The following ARHGAP26 variants were observed in gnomAD, a reference collection of about 807,000 sequenced individuals.
The protein encoded by ARHGAP26 is rho GTPase-activating protein 26.
Under a neutral mutation model 104.8 loss-of-function variants are expected in ARHGAP26, and 38 were observed. The ratio of observed to expected loss-of-function variants is 0.36; its 90% CI spans 0.28 to 0.48. ARHGAP26 has a LOEUF of 0.48. ARHGAP26 is among the 20% of genes least tolerant of loss of function. The pLI is 0.99. For missense variants in ARHGAP26, 704 were observed against 947.9 expected (o/e 0.74, Z 3.38); for synonymous variants, 341 against 340.0 (o/e 1.00, Z -0.03).
At position 143,083,780 on chromosome 5, in the gene ARHGAP26, T is replaced by G. The variant is rs371441600; in HGVS notation, c.1538+26033T>G. On this transcript the variant is annotated intron_variant, in intron 17 of 22. Coordinates refer to ENST00000645722, the MANE Select transcript of ARHGAP26 (RefSeq NM_001135608.3). ...TCCCAAAATGCTGGGATTATAGGCATGAGCCACTGCACCCAGCTGCTTTTT... is the reference window on the plus strand; with the variant it reads ...TCCCAAAATGCTGGGATTATAGGCAGGAGCCACTGCACCCAGCTGCTTTTT... 1.8e-4 allele frequency among the ~76,000 whole-genome samples: 27 copies of G among 152,368 alleles called. No individual in the cohort carries two copies. The East Asian group carries it at 4.6e-3, about 26-fold the overall frequency.
chr5:143,116,888 G>C (rs1795528627), intron 17 of ARHGAP26, among the ~76,000 whole-genome samples: 1 of 152,150 alleles, frequency 6.6e-6, no homozygotes, highest in South Asian at 2.1e-4. Flanking sequence ...CTGCCCTGAA[G>C]TCATGCCCCT....
intron 13 of ARHGAP26, chr5:143,041,600 T>G (rs1275934731): frequency 1.9e-6 from 1 of 521,128 alleles, no homozygotes; most frequent in Non-Finnish European, 3.6e-6. Context: ...ACATGAGGGC[T>G]GAAGTGTGCA....
intron 6 of ARHGAP26, among the ~76,000 whole-genome samples, chr5:142,898,598 C>T (rs1218879020): frequency 6.6e-6 from 1 of 152,158 alleles, no homozygotes; most frequent in African/African-American, 2.4e-5. Context: ...CAGAATGCAC[C>T]TTCTAACACG....
At chr5:142,953,667 G>A (rs1035320672) in intron 11 of ARHGAP26, among the ~76,000 whole-genome samples, 3 of 152,192 alleles carry the variant, frequency 2.0e-5, no homozygotes, top group Non-Finnish European at 4.4e-5. Flanking sequence ...GTCCTGTATG[G>A]ACAAGACTGT....
intron 19 of ARHGAP26, among the ~76,000 whole-genome samples, chr5:143,145,027 A>G (rs1798999027): frequency 6.6e-6 from 1 of 152,220 alleles, no homozygotes; most frequent in South Asian, 2.1e-4. Context: ...GGATACCAAT[A>G]AAGAGTCAGC....
chr5:142,950,256 C>T (rs2152598697), intron 11 of ARHGAP26, among the ~76,000 whole-genome samples: 2 of 152,178 alleles, frequency 1.3e-5, no homozygotes, highest in East Asian at 3.9e-4. Flanking sequence ...AGAGGGAACC[C>T]ACATGCATTT....
chr5:142,865,688 C>T (rs927062008), intron 1 of ARHGAP26, among the ~76,000 whole-genome samples: 1 of 152,112 alleles, frequency 6.6e-6, no homozygotes, highest in Non-Finnish European at 1.5e-5. Context: ...AGTTCTGGGC[C>T]AGCTCCTTAG....
chr5:142,947,879 G>A (rs987311275), intron 11 of ARHGAP26, among the ~76,000 whole-genome samples: 2 of 152,100 alleles, frequency 1.3e-5, no homozygotes, highest in Non-Finnish European at 2.9e-5. Context: ...ATTAAACTAG[G>A]TGCAGTGGTG....
At chr5:142,971,231 T>A (rs1772223092) in intron 11 of ARHGAP26, among the ~76,000 whole-genome samples, 1 of 152,244 alleles carries the variant, frequency 6.6e-6, no homozygotes, top group African/African-American at 2.4e-5. Context: ...TAAGGGACTA[T>A]GCTTGGTACA....
intron 1 of ARHGAP26, among the ~76,000 whole-genome samples, chr5:142,794,861 CT>C (rs967102452): frequency 1.3e-5 from 2 of 152,186 alleles, no homozygotes; most frequent in African/African-American, 4.8e-5. Context: ...CTTCCAGAGT[CT>C]CTTTCTCTTT....
rs570095304 is a variant in ARHGAP26, at chr5:142,889,996, A to G, written c.487-4242A>G. Among the ~76,000 whole-genome samples, 4 of 149,520 alleles carry G rather than the reference A, an allele frequency of 2.7e-5. No individual in the cohort carries two copies. The East Asian group carries it at 8.1e-4, about 30-fold the overall frequency. On this transcript the variant is annotated intron_variant, in intron 5 of 22. Transcript: ENST00000645722. The stretch of plus-strand genomic sequence containing the variant: ...ATTAAAAATACAAAATTGGCCGGGC[A>G]TGGTGGTGCATGCCTGTAATCCCAG...
chr5:142,805,141 T>G (rs1762762156), intron 1 of ARHGAP26, among the ~76,000 whole-genome samples: 1 of 151,546 alleles, frequency 6.6e-6, no homozygotes, highest in South Asian at 2.1e-4. Context: ...TTCACCCTTT[T>G]CGCCAGGCTG....
chr5:142,848,332 C>T (rs458834), intron 1 of ARHGAP26, among the ~76,000 whole-genome samples: 16,243 of 152,156 alleles, frequency 0.11, 1,398 homozygotes, highest in East Asian at 0.48. Flanking sequence ...GACTGGGTGG[C>T]CATCACTCCC....
intron 22 of ARHGAP26, chr5:143,216,128 G>A (rs1810315661): frequency 2.1e-6 from 1 of 470,980 alleles, no homozygotes; most frequent in South Asian, 1.5e-5. Flanking sequence ...AAGCATAAAG[G>A]GGGAAAAAGG....
At chr5:143,197,208 A>T (rs1807008747) in intron 20 of ARHGAP26, among the ~76,000 whole-genome samples, 1 of 152,162 alleles carries the variant, frequency 6.6e-6, no homozygotes, top group South Asian at 2.1e-4. Context: ...TACACATAAC[A>T]CACCTTTCTC....
rs1435360333 is a variant in ARHGAP26, at chr5:143,227,680, T to G, written c.*5234T>G. ...GGAGGGAAAGGCCATAGAATCCAGGTGTCATTCAGAGCCAGTCCTTGCTGA... is the reference window on the plus strand; with the variant it reads ...GGAGGGAAAGGCCATAGAATCCAGGGGTCATTCAGAGCCAGTCCTTGCTGA... On this transcript the variant is annotated 3_prime_UTR_variant, in exon 23 of 23. Coordinates refer to ENST00000645722, the MANE Select transcript of ARHGAP26 (RefSeq NM_001135608.3). 8.8e-6 allele frequency: 2 copies of G among 228,360 alleles called. No homozygotes were observed. Among genetic ancestry groups the G allele is most frequent in the Admixed American group, 1.1e-4 (2 of 17,580 alleles). 14.1% of individuals were successfully genotyped at this position (228,360 alleles called of 1,614,324 possible). A position where few individuals can be genotyped will look rare whatever the true frequency, so the allele number is the denominator to read the frequency against.
chr5:143,225,752 G>A lies in ARHGAP26; in HGVS notation c.*3306G>A. ...CCGTGTGTCTGTGCAGTGCCCATGA[G>A]CTGCTGCCAATGGGATCTTTCAGGT... is the stretch of plus-strand genomic sequence containing the variant. On this transcript the variant is annotated 3_prime_UTR_variant, in exon 23 of 23. Coordinates refer to ENST00000645722, the MANE Select transcript of ARHGAP26 (RefSeq NM_001135608.3). 1 of 230,158 alleles carries A rather than the reference G, an allele frequency of 4.3e-6. No homozygotes were observed. The highest frequency in any genetic ancestry group is 8.6e-6 in the Non-Finnish European group (1 of 115,876). The allele number at this position is 230,158 out of a possible 1,614,324, so 14.3% of individuals were successfully genotyped here. A position where few individuals can be genotyped will look rare whatever the true frequency, so the allele number is the denominator to read the frequency against.
chr5:143,012,552 C>CACATATATATATATATATATATATATAT (rs1778940698), intron 11 of ARHGAP26, among the ~76,000 whole-genome samples: 1 of 20,832 alleles, frequency 4.8e-5, no homozygotes, highest in East Asian at 6.4e-4. Context: ...TACATACATA[C>CACATATATATATATATATATATATATAT]ATATATATAT....
intron 4 of ARHGAP26, among the ~76,000 whole-genome samples, chr5:142,882,135 G>A (rs1757086675): frequency 1.3e-5 from 2 of 152,190 alleles, no homozygotes; most frequent in South Asian, 4.1e-4. Flanking sequence ...CGTAGAGAGT[G>A]GGTCTACAGC....
Sources: allele counts gnomAD v4.1 joint callset (sites outside exome capture counted in the v4.1 genomes callset), GRCh38; gene constraint gnomAD v4.1.1; transcripts MANE v1.5; gene names NCBI Gene and HGNC (gene_info 2026-07-23, HGNC 2026-07-21).